Variants in FNDC3A observed in about 807,000 individuals in gnomAD.
The protein encoded by FNDC3A is fibronectin type III domain containing 3A.
A neutral mutation model predicts 148.9 loss-of-function variants in FNDC3A; 32 were observed. The ratio of observed to expected loss-of-function variants is 0.21; its 90% confidence interval spans 0.16 to 0.29. The LOEUF is 0.29. Among genes scored for constraint, FNDC3A ranks in the 10% least tolerant of loss-of-function variants. FNDC3A has a pLI of 1.00. For missense variants in FNDC3A, 1,191 were observed against 1,452.8 expected, an observed-to-expected ratio of 0.82 and a Z score of 2.93; for synonymous variants, 472 against 473.6, an observed-to-expected ratio of 1.00 and a Z score of 0.04.
chr13:49,119,242 A>C (rs966178375), intron 4 of FNDC3A, among the ~76,000 whole-genome samples: 1 of 152,214 alleles, frequency 6.6e-6, no homozygotes, highest in East Asian at 1.9e-4. Flanking sequence ...AGCAAACTCC[A>C]GCAGACCTGC....
In FNDC3A at chr13:49,015,998, G is replaced by A. The variant is rs562408238; in HGVS notation, c.99+9709G>A. ...AGCTTTTTGATGTGCTGCTGGATTCGGTTTGCCAGTATTTTATTGAGGATT... is the reference window on the plus strand; with the variant it reads ...AGCTTTTTGATGTGCTGCTGGATTCAGTTTGCCAGTATTTTATTGAGGATT... On this transcript the variant is annotated intron_variant, in intron 2 of 25. Coordinates refer to ENST00000492622, the MANE Select transcript of FNDC3A (RefSeq NM_001079673.2). 2.6e-3 allele frequency among the ~76,000 whole-genome samples: 368 copies of A among 139,102 alleles called. 1 individual carries two copies. In the East Asian group the frequency reaches 0.042, roughly 16 times the overall value. The allele number at this position is 139,102 out of a possible 152,430, so 91.3% of individuals were successfully genotyped here.
At chr13:49,203,097 C>T in intron 24 of FNDC3A, 60 bp from the exon 25 acceptor site, 6 of 1,090,454 alleles carry the variant, frequency 5.5e-6, no homozygotes, top group East Asian at 2.5e-5. Flanking sequence ...CAAGTGTCTG[C>T]ATGATGTACC....
At chr13:48,990,588 C>CTAAA (rs1951896204) in intron 1 of FNDC3A, among the ~76,000 whole-genome samples, 1 of 58,136 alleles carries the variant, frequency 1.7e-5, no homozygotes, top group Non-Finnish European at 3.0e-5. Flanking sequence ...CCTGTCTCTC[C>CTAAA]AAAAAAAAAA....
chr13:49,110,995 G>A (rs868641516), intron 3 of FNDC3A, among the ~76,000 whole-genome samples: 20 of 152,134 alleles, frequency 1.3e-4, no homozygotes, highest in African/African-American at 4.6e-4. Flanking sequence ...CATGATTGGG[G>A]TAAATCATGC....
At chr13:48,994,684 A>G (rs1951990412) in intron 1 of FNDC3A, among the ~76,000 whole-genome samples, 1 of 152,140 alleles carries the variant, frequency 6.6e-6, no homozygotes, top group African/African-American at 2.4e-5. Context: ...AGGCTGAGGC[A>G]GGAGAATTGC....
At chr13:49,037,275 A>G (rs1288246451) in intron 2 of FNDC3A, among the ~76,000 whole-genome samples, 1 of 152,248 alleles carries the variant, frequency 6.6e-6, no homozygotes, top group Non-Finnish European at 1.5e-5. Context: ...ATTATATGTT[A>G]ACTCATTTAA....
chr13:49,021,757 A>AT (rs1330301604), intron 2 of FNDC3A, among the ~76,000 whole-genome samples: 1 of 152,148 alleles, frequency 6.6e-6, no homozygotes, highest in Non-Finnish European at 1.5e-5. Flanking sequence ...GGAGCAATGG[A>AT]TTTTTGGAGG....
intron 2 of FNDC3A, among the ~76,000 whole-genome samples, chr13:49,016,206 GA>G (rs1217358106): frequency 1.3e-5 from 2 of 152,210 alleles, no homozygotes; most frequent in Admixed American, 6.5e-5. Context: ...ATCTCTGGTA[GA>G]ATTCAGCTGT....
At chr13:49,045,788 TCC>T in intron 2 of FNDC3A, 2 of 343,660 alleles carry the variant, frequency 5.8e-6, no homozygotes, top group Non-Finnish European at 5.0e-6. Flanking sequence ...TTAATGACAG[TCC>T]TTTTTTTTTT....
chr13:49,172,273 T>G (rs1566304622), intron 11 of FNDC3A, among the ~76,000 whole-genome samples, 177 bp downstream of exon 11: 1 of 152,222 alleles, frequency 6.6e-6, no homozygotes, highest in Non-Finnish European at 1.5e-5. Flanking sequence ...TGACTTAACT[T>G]CCCTATTTTC....
intron 2 of FNDC3A, among the ~76,000 whole-genome samples, chr13:49,036,714 T>A (rs1027413943): frequency 1.3e-5 from 2 of 152,212 alleles, no homozygotes; most frequent in African/African-American, 4.8e-5. Flanking sequence ...AGTGTCATAA[T>A]AGAAGGATGT....
intron 4 of FNDC3A, among the ~76,000 whole-genome samples, chr13:49,116,152 T>G (rs1188756989): frequency 3.9e-5 from 6 of 152,224 alleles, no homozygotes; most frequent in Non-Finnish European, 8.8e-5. Context: ...ACCTTTTCGT[T>G]TTATTTTTTG....
intron 2 of FNDC3A, among the ~76,000 whole-genome samples, chr13:49,024,521 A>G (rs752123948): frequency 7.2e-5 from 11 of 151,990 alleles, no homozygotes; most frequent in Non-Finnish European, 1.5e-4. Flanking sequence ...CATCAAAAAG[A>G]TAATACACCA....
intron 7 of FNDC3A, among the ~76,000 whole-genome samples, chr13:49,144,010 A>G (rs187910749): frequency 1.6e-4 from 24 of 149,262 alleles, no homozygotes; most frequent in Admixed American, 2.7e-4. Context: ...TACTACTACT[A>G]CTGCTACTAC....
At position 49,036,034 on chromosome 13, in the gene FNDC3A, C is replaced by G. The variant is rs573217934; in HGVS notation, c.99+29745C>G. 2.0e-5 allele frequency among the ~76,000 whole-genome samples: 3 copies of G among 152,162 alleles called. No homozygotes were observed. The South Asian group carries it at 6.2e-4, about 32-fold the overall frequency. On this transcript the variant is annotated intron_variant, in intron 2 of 25. Coordinates refer to ENST00000492622, the MANE Select transcript of FNDC3A (RefSeq NM_001079673.2). ...TATAGATAAAGCTTAATGCAAAGTT[C>G]ATATGATCAAGTTAATTTAATAGCA...
Position 49,040,484 on chromosome 13 carries a change from A to G in FNDC3A, c.99+34195A>G, listed in dbSNP as rs531934540. On this transcript the variant is annotated intron_variant, in intron 2 of 25. Coordinates refer to ENST00000492622, the MANE Select transcript of FNDC3A (RefSeq NM_001079673.2). ...AATGCCACCAAATCTATTGCTAGAAATGAAAGAAGTGAAAGAAACTGAGGA... is the reference window on the plus strand; with the variant it reads ...AATGCCACCAAATCTATTGCTAGAAGTGAAAGAAGTGAAAGAAACTGAGGA... Among the ~76,000 whole-genome samples, 86 of 152,372 alleles carry G rather than the reference A, an allele frequency of 5.6e-4. 2 individuals carry two copies. The South Asian group carries it at 0.017, about 31-fold the overall frequency.
At chr13:49,201,154 G>T in intron 23 of FNDC3A, 1 of 303,382 alleles carries the variant, frequency 3.3e-6, no homozygotes, top group South Asian at 3.0e-5. Flanking sequence ...CAAAAATAAT[G>T]GGATGCATTC....
chr13:49,119,979 A>T (rs1023181882), intron 4 of FNDC3A, among the ~76,000 whole-genome samples: 2 of 152,184 alleles, frequency 1.3e-5, no homozygotes, highest in African/African-American at 4.8e-5. Context: ...AAATTCAGGA[A>T]ATACAGAGAA....
chr13:49,039,911 A>G (rs945757710), intron 2 of FNDC3A, among the ~76,000 whole-genome samples: 3 of 152,100 alleles, frequency 2.0e-5, no homozygotes, highest in Non-Finnish European at 2.9e-5. Context: ...ACTAGGTTTC[A>G]TCATGTTGGC....
Sources: allele counts gnomAD v4.1 joint callset (sites outside exome capture counted in the v4.1 genomes callset), GRCh38; gene constraint gnomAD v4.1.1; transcripts MANE v1.5; gene names NCBI Gene and HGNC (gene_info 2026-07-23, HGNC 2026-07-21).